Variants in NIPBL observed in about 807,000 individuals in gnomAD.
NIPBL encodes the protein NIPBL cohesin loading factor, also known as nipped-B-like protein.
Under a neutral mutation model 321.8 loss-of-function variants are expected in NIPBL, and 19 were observed. The ratio of observed to expected loss-of-function variants is 0.06; its 90% CI spans 0.04 to 0.09. NIPBL has a LOEUF of 0.09. Among genes scored for constraint, NIPBL ranks in the 10% least tolerant of loss-of-function variants. The pLI is 1.00. For missense variants in NIPBL, 2,210 were observed against 3,327.0 expected, an observed-to-expected ratio of 0.66 and a Z score of 8.26; for synonymous variants, 1,106 against 1,114.1, an observed-to-expected ratio of 0.99 and a Z score of 0.14.
At chr5:37,044,276 A>G (rs1752753748) in intron 34 of NIPBL, 71 bp from the exon 35 acceptor site, 2 of 1,437,334 alleles carry the variant, frequency 1.4e-6, no homozygotes, top group Non-Finnish European at 1.9e-6. Flanking sequence ...TCTGCCCCCA[A>G]ATACGTAAAG....
chr5:37,057,698 A>G (rs1754253892), intron 43 of NIPBL, among the ~76,000 whole-genome samples: 1 of 152,220 alleles, frequency 6.6e-6, no homozygotes, highest in Non-Finnish European at 1.5e-5. Context: ...ACATGAAAAT[A>G]TATAGCTTAT....
intron 10 of NIPBL, among the ~76,000 whole-genome samples, chr5:36,991,850 C>T (rs1233065517): frequency 6.6e-6 from 1 of 150,854 alleles, no homozygotes; most frequent in Admixed American, 6.6e-5. Context: ...AGCTTCACTT[C>T]AGTCCCAAAG....
intron 1 of NIPBL, among the ~76,000 whole-genome samples, chr5:36,889,246 G>A (rs1253934975): frequency 6.6e-6 from 1 of 151,992 alleles, no homozygotes; most frequent in Non-Finnish European, 1.5e-5. Flanking sequence ...ATTTTTATCT[G>A]GACAATAAGG....
chr5:36,887,225 T>C (rs936797914), intron 1 of NIPBL, among the ~76,000 whole-genome samples: 2 of 152,194 alleles, frequency 1.3e-5, no homozygotes, highest in African/African-American at 4.8e-5. Flanking sequence ...AGACCTACTC[T>C]CTTTTTCATA....
At chr5:37,009,427 C>T (rs1042215059) in intron 20 of NIPBL, among the ~76,000 whole-genome samples, 4 of 152,038 alleles carry the variant, frequency 2.6e-5, no homozygotes, top group Admixed American at 6.5e-5. Context: ...AAAGTGTTGA[C>T]GTGGCATATA....
intron 4 of NIPBL, among the ~76,000 whole-genome samples, chr5:36,960,194 T>C (rs975749093): frequency 6.6e-6 from 1 of 152,124 alleles, no homozygotes; most frequent in African/African-American, 2.4e-5. Context: ...TCATAGTTCT[T>C]TGGAACTTAG....
intron 3 of NIPBL, 102 bp from the exon 4 acceptor site, chr5:36,957,999 AAAT>A (rs1741170351): frequency 8.5e-7 from 1 of 1,171,978 alleles, no homozygotes; most frequent in African/African-American, 1.6e-5. Context: ...AAAAAAAAAA[AAAT>A]TCATATTGTT....
rs371086881 is a variant in NIPBL, at chr5:37,066,140, T to G, written c.*1248T>G. Reference sequence around the variant, plus strand: ...TTACACATTACTTACTGCAGATATCTTGACTAAATCAGGAGGGAGGTGTTT... The same window carrying G: ...TTACACATTACTTACTGCAGATATCGTGACTAAATCAGGAGGGAGGTGTTT... On this transcript the variant is annotated 3_prime_UTR_variant, in exon 47 of 47. Transcript: ENST00000282516. 1.1e-4 allele frequency: 16 copies of G among 152,326 alleles called. No individual in the cohort carries two copies. The highest frequency in any genetic ancestry group is 3.4e-3 in the Middle Eastern group (1 of 294). The allele number at this position is 152,326 out of a possible 1,614,324, so 9.4% of individuals were successfully genotyped here.
chr5:36,885,451 C>A, intron 1 of NIPBL: 1 of 469,718 alleles, frequency 2.1e-6, no homozygotes. Context: ...ACAAGGAGAC[C>A]CTCCAAAGCC....
intron 16 of NIPBL, among the ~76,000 whole-genome samples, chr5:37,004,164 C>T (rs568322134): frequency 1.1e-4 from 16 of 152,258 alleles, no homozygotes; most frequent in Non-Finnish European, 2.2e-4. Context: ...TAAATGTTAA[C>T]TCCAGCTGTT....
intron 4 of NIPBL, among the ~76,000 whole-genome samples, chr5:36,959,610 A>C (rs957622148): frequency 1.3e-5 from 2 of 152,182 alleles, no homozygotes; most frequent in Non-Finnish European, 2.9e-5. Context: ...TGGAAGAAAG[A>C]CTAATAGAGT....
intron 40 of NIPBL, among the ~76,000 whole-genome samples, chr5:37,050,112 C>T (rs541379013): frequency 5.9e-5 from 9 of 152,038 alleles, no homozygotes; most frequent in Non-Finnish European, 8.8e-5. Flanking sequence ...TTTAAACTAC[C>T]GAGGGTTCTT....
intron 1 of NIPBL, among the ~76,000 whole-genome samples, chr5:36,918,624 C>T (rs1225711834): frequency 6.6e-6 from 1 of 152,082 alleles, no homozygotes; most frequent in Non-Finnish European, 1.5e-5. Flanking sequence ...GGAATGCTTC[C>T]AGTTTTTGCC....
intron 1 of NIPBL, among the ~76,000 whole-genome samples, chr5:36,927,113 A>G (rs1749424055): frequency 6.6e-6 from 1 of 152,168 alleles, no homozygotes; most frequent in Non-Finnish European, 1.5e-5. Context: ...GTGTACTATC[A>G]TCTGCTTTTG....
intron 1 of NIPBL, among the ~76,000 whole-genome samples, chr5:36,897,038 T>C (rs1316506081): frequency 1.3e-5 from 2 of 152,022 alleles, no homozygotes; most frequent in African/African-American, 4.8e-5. Context: ...AGTCTTGCAC[T>C]GTCACCCGGG....
rs34760816 is a variant in NIPBL at position 36,956,616 on chromosome 5, C to CTTTT, written c.230+1002_230+1005dup. ...AAATTCAGCAATATCTAAATCACTT[C>CTTTT]TTTTTTTTTTTTTTTTTTTTTTTTT... On this transcript the variant is annotated intron_variant, in intron 3 of 46. Coordinates refer to ENST00000282516, the MANE Select transcript of NIPBL (RefSeq NM_133433.4). Among the ~76,000 whole-genome samples the CTTTT allele has an allele frequency of 5.1e-3, 406 of 79,482 alleles. 49 individuals are homozygous for CTTTT. The highest frequency in any genetic ancestry group is 0.02 in the African/African-American group (384 of 18,898). 52.1% of individuals were successfully genotyped at this position (79,482 alleles called of 152,430 possible).
chr5:37,011,227 G>GT (rs1412149716), intron 21 of NIPBL, among the ~76,000 whole-genome samples: 2 of 152,096 alleles, frequency 1.3e-5, no homozygotes, highest in East Asian at 3.9e-4. Flanking sequence ...GCATATGTGT[G>GT]TATCTTTTTG....
At chr5:36,904,917 G>C (rs1747512807) in intron 1 of NIPBL, among the ~76,000 whole-genome samples, 1 of 152,152 alleles carries the variant, frequency 6.6e-6, no homozygotes, top group African/African-American at 2.4e-5. Flanking sequence ...TTCTATATTT[G>C]TTAGAAGTAA....
chr5:36,898,217 A>T (rs1197034490), intron 1 of NIPBL, among the ~76,000 whole-genome samples: 1 of 152,314 alleles, frequency 6.6e-6, no homozygotes. Flanking sequence ...TTCATATACT[A>T]TAAAGTATGC....
Sources: gnomAD v4.1 joint callset for allele counts (sites outside exome capture counted in the v4.1 genomes callset) on GRCh38, gnomAD v4.1.1 for gene constraint, MANE v1.5 for transcripts, NCBI Gene and HGNC (gene_info 2026-07-23, HGNC 2026-07-21) for gene names.